The following RASGRF1 variants were observed in gnomAD, a reference collection of about 807,000 sequenced individuals.
The protein encoded by RASGRF1 is Ras protein specific guanine nucleotide releasing factor 1, also known as ras-specific guanine nucleotide-releasing factor 1.
A neutral mutation model predicts 138.7 loss-of-function variants in RASGRF1; 40 were observed. The observed-to-expected ratio is 0.29, with a 90% CI of 0.22 to 0.38. The LOEUF (loss-of-function observed/expected upper bound fraction) is 0.38. Ranked by LOEUF, RASGRF1 falls within the 10% of genes least tolerant of loss-of-function variation. The pLI is 1.00. For missense variants in RASGRF1, 1,108 were observed against 1,650.4 expected (o/e 0.67, Z 5.69); for synonymous variants, 614 against 663.2 (o/e 0.93, Z 1.14).
chr15:79,083,947 C>T (rs2057946891), intron 1 of RASGRF1, among the ~76,000 whole-genome samples: 1 of 152,222 alleles, frequency 6.6e-6, no homozygotes, highest in African/African-American at 2.4e-5. Context: ...CGTTTTGAAA[C>T]ATCCTGCTAC....
intron 5 of RASGRF1, among the ~76,000 whole-genome samples, chr15:79,036,196 C>T (rs1355306028): frequency 6.6e-6 from 1 of 152,218 alleles, no homozygotes; most frequent in Non-Finnish European, 1.5e-5. Flanking sequence ...TTTCCCTCTG[C>T]TCCTTAGCTC....
At position 79,027,891 on chromosome 15, in the gene RASGRF1, C is replaced by T; in HGVS notation, c.1263-32G>A. On this transcript the variant is annotated intron_variant, in intron 8 of 26. Transcript: ENST00000558480. The surrounding 1 kb of genome is among the most constrained non-coding windows in gnomAD (Gnocchi z 4.8). ...GGATGGGAAACTGCACAGTCAGAGA[C>T]AGGCTGCCCCTACTTCCCAGGGAGG... The T allele has an allele frequency of 1.9e-6, 3 of 1,607,656 alleles. No individual in the cohort carries two copies. The highest frequency in any genetic ancestry group is 2.6e-6 in the Non-Finnish European group (3 of 1,174,294).
chr15:78,966,564 ATTTTTATTTC>A (rs1250424941), intron 26 of RASGRF1, among the ~76,000 whole-genome samples: 6 of 152,036 alleles, frequency 3.9e-5, no homozygotes, highest in African/African-American at 1.4e-4. Context: ...TTTAAATTGT[ATTTTTATTTC>A]TTTTTATTTT....
At chr15:79,048,942 G>T (rs2141029387) in intron 4 of RASGRF1, among the ~76,000 whole-genome samples, 1 of 152,352 alleles carries the variant, frequency 6.6e-6, no homozygotes, top group South Asian at 2.1e-4. Context: ...GTGGCCCATG[G>T]TATGTCACTA....
Position 79,017,859 on chromosome 15 carries a change from C to T in RASGRF1, c.1654G>A (p.Val552Met). The T allele has an allele frequency of 6.2e-7, 1 of 1,613,774 alleles. No individual in the cohort carries two copies. The highest frequency in any genetic ancestry group is 8.5e-7 in the Non-Finnish European group (1 of 1,179,896). The change falls in exon 12 of 27, where the codon GTG becomes ATG. Residue 552 changes from valine to methionine, a missense_variant. This residue lies in a region of RASGRF1 where 686 missense variants were observed against 976.7 expected (regional missense o/e 0.70). Transcript: ENST00000558480. Reference sequence around the variant, plus strand: ...AAGGGCGGGGAATCCTTTGGCTCCACCCCGATTTTAAAATCCAAGTGATCT... The same window carrying T: ...AAGGGCGGGGAATCCTTTGGCTCCATCCCGATTTTAAAATCCAAGTGATCT... ...DIDHLDFKIG[V>M]EPKDSPPFTV... is the part of the protein sequence containing the mutation.
chr15:79,039,664 C>T (rs1234976951), intron 5 of RASGRF1, among the ~76,000 whole-genome samples: 3 of 152,148 alleles, frequency 2.0e-5, no homozygotes, highest in Non-Finnish European at 4.4e-5. Context: ...TTTGTTTATG[C>T]GTCATCACAT....
chr15:78,993,294 T>C, intron 20 of RASGRF1, among the ~76,000 whole-genome samples: 1 of 147,238 alleles, frequency 6.8e-6, no homozygotes, highest in Non-Finnish European at 1.5e-5. Flanking sequence ...GGTGTCTGTG[T>C]GTGTGGTCTG....
intron 19 of RASGRF1, among the ~76,000 whole-genome samples, chr15:78,996,968 A>C (rs1196716597): frequency 6.6e-6 from 1 of 152,228 alleles, no homozygotes; most frequent in African/African-American, 2.4e-5. Context: ...GCCAGGGCCC[A>C]AGCCCTCACA....
chr15:79,055,275 C>G (rs1231076152), intron 3 of RASGRF1, among the ~76,000 whole-genome samples: 1 of 152,162 alleles, frequency 6.6e-6, no homozygotes, highest in Non-Finnish European at 1.5e-5. Flanking sequence ...GTGGCCACTC[C>G]TCAAGAATGA....
chr15:78,964,478 A>G (rs907811597), intron 26 of RASGRF1, among the ~76,000 whole-genome samples: 1 of 151,938 alleles, frequency 6.6e-6, no homozygotes, highest in Admixed American at 6.6e-5. Flanking sequence ...CCTGGCCAGT[A>G]ATATTTATTT....
At chr15:79,089,161 C>G (rs909607252) in intron 1 of RASGRF1, among the ~76,000 whole-genome samples, 1 of 152,226 alleles carries the variant, frequency 6.6e-6, no homozygotes, top group Non-Finnish European at 1.5e-5. Flanking sequence ...TTGCATGACG[C>G]TGGGCAAGTG....
intron 2 of RASGRF1, among the ~76,000 whole-genome samples, chr15:79,061,431 T>TATATATATA (rs1555461889): frequency 2.8e-5 from 4 of 144,582 alleles, no homozygotes; most frequent in Admixed American, 7.0e-5. Context: ...TATATATATA[T>TATATATATA]CATTCATTTT....
rs551043618 is a variant in RASGRF1, at chr15:78,968,322, TGTGCAGTG to T, written c.3681+3536_3681+3543del. On this transcript the variant is annotated intron_variant, in intron 26 of 26. Coordinates refer to ENST00000558480, the MANE Select transcript of RASGRF1 (RefSeq NM_001145648.3). ...AGCCTCACTCTGCTGCCCAGGCTAG[TGTGCAGTG>T]GTGCAATGATAGCTTACTACAGCCT... Among the ~76,000 whole-genome samples the T allele has an allele frequency of 2.0e-5, 3 of 151,086 alleles. No homozygotes were observed. In the East Asian group the frequency reaches 5.9e-4, roughly 30 times the overall value.
Position 79,012,421 on chromosome 15 carries a change from T to C in RASGRF1, c.1826+2906A>G, listed in dbSNP as rs1167082824. ...TTTTACAGCATGCACTACACTGCTT[T>C]CTAATAATCTCTCTATGTCTCTCTC... On this transcript the variant is annotated intron_variant, in intron 13 of 26. Transcript: ENST00000558480. The C allele has an allele frequency of 2.5e-6, 3 of 1,193,442 alleles. No homozygotes were observed. The African/African-American group carries it at 4.5e-5, about 18-fold the overall frequency. 73.9% of individuals were successfully genotyped at this position (1,193,442 alleles called of 1,614,324 possible).
At chr15:79,013,219 T>C (rs111993869) in intron 13 of RASGRF1, among the ~76,000 whole-genome samples, 1,790 of 151,950 alleles carry the variant, frequency 0.012, 40 homozygotes, top group African/African-American at 0.041. Flanking sequence ...CAGGTTTACA[T>C]ACAAAGCTGG....
chr15:78,981,985 A>G (rs1361261573), intron 23 of RASGRF1, among the ~76,000 whole-genome samples: 1 of 152,110 alleles, frequency 6.6e-6, no homozygotes, highest in African/African-American at 2.4e-5. Flanking sequence ...CCACCTGCAG[A>G]GGAATGACCT....
At chr15:79,010,930 G>A (rs571639250) in intron 13 of RASGRF1, among the ~76,000 whole-genome samples, 17 of 152,290 alleles carry the variant, frequency 1.1e-4, no homozygotes, top group African/African-American at 3.8e-4. Context: ...GGGAGTACTC[G>A]GGACACGTGG....
intron 10 of RASGRF1, among the ~76,000 whole-genome samples, chr15:79,020,353 T>C (rs957696787): frequency 4.6e-5 from 7 of 152,230 alleles, no homozygotes; most frequent in African/African-American, 1.2e-4. Flanking sequence ...CAAACCAAGG[T>C]TGAGTTCTGG....
At position 78,973,767 on chromosome 15, in the gene RASGRF1, G is replaced by A. The variant is rs548269860; in HGVS notation, c.3495-347C>T. Among the ~76,000 whole-genome samples the A allele has an allele frequency of 3.3e-5, 5 of 152,130 alleles. No individual in the cohort carries two copies. Among genetic ancestry groups the A allele is most frequent in the African/African-American group, 1.2e-4 (5 of 41,500 alleles). Reference sequence around the variant, plus strand: ...CTGGGCTCTGTCACCAGCCCCTCTGGACTCACCTTTCCTATCTCTCCCTGA... The same window carrying A: ...CTGGGCTCTGTCACCAGCCCCTCTGAACTCACCTTTCCTATCTCTCCCTGA... On this transcript the variant is annotated intron_variant, in intron 24 of 26. Transcript: ENST00000558480. The surrounding 1 kb of genome is among the most constrained non-coding windows in gnomAD (Gnocchi z 4.9).
Sources: allele counts gnomAD v4.1 joint callset (sites outside exome capture counted in the v4.1 genomes callset), GRCh38; gene constraint gnomAD v4.1.1; regional missense constraint gnomAD v4.1.1; non-coding constraint Gnocchi (gnomAD v3.1); transcripts MANE v1.5; gene names NCBI Gene and HGNC (gene_info 2026-07-23, HGNC 2026-07-21).